RAB31: variants seen among roughly 807,000 people sequenced by gnomAD.
The protein encoded by RAB31 is ras-related protein Rab-31.
Under a neutral mutation model 25.6 loss-of-function variants are expected in RAB31, and 21 were observed. That is an observed-to-expected ratio of 0.82 (90% CI 0.58 to 1.18). The LOEUF (loss-of-function observed/expected upper bound fraction) is 1.18, where lower values mean the gene tolerates loss of function less well. Among genes scored for constraint, RAB31 ranks in the 50% most tolerant of loss-of-function variants. The pLI, the probability that RAB31 is intolerant of heterozygous loss-of-function variation, is 0.00. For synonymous variants in RAB31, 87 were observed against 84.0 expected (o/e 1.04, Z -0.20); for missense variants, 196 against 250.1 (o/e 0.78, Z 1.46).
chr18:9,812,020 T>C (rs2068574360), intron 3 of RAB31, among the ~76,000 whole-genome samples: 1 of 152,234 alleles, frequency 6.6e-6, no homozygotes, highest in Non-Finnish European at 1.5e-5. Context: ...TCAGTGCCTG[T>C]GAGGGCCCCC....
At chr18:9,799,872 C>T (rs2068505005) in intron 3 of RAB31, among the ~76,000 whole-genome samples, 1 of 152,170 alleles carries the variant, frequency 6.6e-6, no homozygotes, top group African/African-American at 2.4e-5. Context: ...GTGTGTTGTA[C>T]CACCAAGGAC....
intron 1 of RAB31, among the ~76,000 whole-genome samples, chr18:9,760,718 C>T (rs2068283802): frequency 6.6e-6 from 1 of 152,102 alleles, no homozygotes; most frequent in Non-Finnish European, 1.5e-5. Context: ...AATCCTGTTT[C>T]GCCTAACATG....
intron 1 of RAB31, among the ~76,000 whole-genome samples, chr18:9,759,017 T>C (rs537158066): frequency 1.3e-5 from 2 of 151,992 alleles, no homozygotes; most frequent in Admixed American, 1.3e-4. Context: ...GATCAAGCAG[T>C]GTGCGGCTTT....
chr18:9,802,071 T>C (rs879031631), intron 3 of RAB31, among the ~76,000 whole-genome samples: 4 of 152,248 alleles, frequency 2.6e-5, no homozygotes, highest in Admixed American at 2.6e-4. Context: ...ATTGTCTTGA[T>C]TACTGTAGCT....
At chr18:9,756,548 T>A (rs1028376512) in intron 1 of RAB31, among the ~76,000 whole-genome samples, 13 of 152,204 alleles carry the variant, frequency 8.5e-5, no homozygotes, top group Non-Finnish European at 1.5e-4. Context: ...TTAATTCATA[T>A]TTGTGAGTGG....
At chr18:9,774,540 C>T (rs1417117134) in intron 1 of RAB31, among the ~76,000 whole-genome samples, 2 of 152,196 alleles carry the variant, frequency 1.3e-5, no homozygotes, top group African/African-American at 4.8e-5. Flanking sequence ...GCTTGTCCTC[C>T]TGGATTTTGT....
intron 6 of RAB31, 127 bp from the exon 7 acceptor site, chr18:9,859,101 G>A (rs542985345): frequency 1.3e-5 from 9 of 699,158 alleles, no homozygotes; most frequent in African/African-American, 1.1e-4. Flanking sequence ...GGAGAAAGGA[G>A]CCCCTCCAGG....
intron 2 of RAB31, among the ~76,000 whole-genome samples, 184 bp downstream of exon 2, chr18:9,775,541 C>T (rs913030906): frequency 8.6e-6 from 1 of 116,200 alleles, no homozygotes; most frequent in Non-Finnish European, 1.7e-5. Flanking sequence ...CTTACTGTCC[C>T]TGTCGGTCAT....
chr18:9,819,564 A>G (rs1326224824), intron 5 of RAB31, among the ~76,000 whole-genome samples: 1 of 152,140 alleles, frequency 6.6e-6, no homozygotes, highest in African/African-American at 2.4e-5. Context: ...TAACATTTTC[A>G]TATGAATTTT....
intron 1 of RAB31, among the ~76,000 whole-genome samples, chr18:9,769,095 T>C (rs1234649703): frequency 6.6e-6 from 1 of 152,228 alleles, no homozygotes; most frequent in African/African-American, 2.4e-5. Context: ...TTGGTTACTG[T>C]AGACTTGTAG....
intron 5 of RAB31, among the ~76,000 whole-genome samples, chr18:9,829,230 C>A (rs1337172060): frequency 6.6e-6 from 1 of 152,144 alleles, no homozygotes; most frequent in Non-Finnish European, 1.5e-5. Context: ...TTGGTGATAA[C>A]CACTTGTTTT....
Position 9,759,539 on chromosome 18 carries a change from C to CAA in RAB31, c.40-15729_40-15728dup, listed in dbSNP as rs59219389. Among the ~76,000 whole-genome samples, 355 of 145,580 alleles carry CAA rather than the reference C, an allele frequency of 2.4e-3. 5 individuals are homozygous for CAA. The highest frequency in any genetic ancestry group is 2.4e-3 in the Non-Finnish European group (160 of 66,168). Reference sequence around the variant, plus strand: ...CGAATCTCATGAGGGACCCTCTCACCAAAAAAAAAAATTACCTGCTCACAA... The same window carrying CAA: ...CGAATCTCATGAGGGACCCTCTCACCAAAAAAAAAAAAATTACCTGCTCACAA... On this transcript the variant is annotated intron_variant, in intron 1 of 6. Coordinates refer to ENST00000578921, the MANE Select transcript of RAB31 (RefSeq NM_006868.4).
chr18:9,817,840 C>T (rs946852141), intron 5 of RAB31, among the ~76,000 whole-genome samples: 2 of 152,208 alleles, frequency 1.3e-5, no homozygotes, highest in African/African-American at 4.8e-5. Flanking sequence ...CTAACATAAT[C>T]TATTCATCTC....
At chr18:9,720,640 C>CG (rs1412937309) in intron 1 of RAB31, among the ~76,000 whole-genome samples, 2 of 144,486 alleles carry the variant, frequency 1.4e-5, no homozygotes, top group South Asian at 4.4e-4. Flanking sequence ...CTGCCTGGTG[C>CG]GGGGGGTAGA....
chr18:9,787,756 A>G (rs2145497951), intron 2 of RAB31: 1 of 152,638 alleles, frequency 6.6e-6, no homozygotes, highest in South Asian at 2.1e-4. Flanking sequence ...CATACTAAAG[A>G]AAAATCATAG....
chr18:9,832,769 AGG>A (rs1218377690), intron 5 of RAB31, among the ~76,000 whole-genome samples: 1 of 152,212 alleles, frequency 6.6e-6, no homozygotes, highest in African/African-American at 2.4e-5. Flanking sequence ...ATGGTGACTT[AGG>A]TGTGTCTTTT....
At chr18:9,839,341 G>A (rs1037851961) in intron 5 of RAB31, among the ~76,000 whole-genome samples, 2 of 152,172 alleles carry the variant, frequency 1.3e-5, no homozygotes, top group African/African-American at 2.4e-5. Context: ...ATGAAGCCCC[G>A]TCCTGCTAAG....
intron 5 of RAB31, among the ~76,000 whole-genome samples, chr18:9,842,072 T>C (rs1233477259): frequency 6.6e-6 from 1 of 151,988 alleles, no homozygotes; most frequent in African/African-American, 2.4e-5. Context: ...CAGGAGTAGC[T>C]AAATGGAAGA....
At chr18:9,788,037 T>C (rs964147351) in intron 2 of RAB31, among the ~76,000 whole-genome samples, 1 of 152,276 alleles carries the variant, frequency 6.6e-6, no homozygotes, top group Non-Finnish European at 1.5e-5. Flanking sequence ...ACCAGGATGT[T>C]GGGCAGTGGC....
Sources: allele counts gnomAD v4.1 joint callset (sites outside exome capture counted in the v4.1 genomes callset), GRCh38; gene constraint gnomAD v4.1.1; transcripts MANE v1.5; gene names NCBI Gene and HGNC (gene_info 2026-07-23, HGNC 2026-07-21).